Variants in DPF3 observed in about 807,000 individuals in gnomAD.
The protein encoded by DPF3 is double PHD fingers 3.
A neutral mutation model predicts 56.8 loss-of-function variants in DPF3; 18 were observed. The ratio of observed to expected loss-of-function variants is 0.32; its 90% CI spans 0.22 to 0.47. DPF3 has a LOEUF of 0.47. Ranked by LOEUF, DPF3 falls within the 20% of genes least tolerant of loss-of-function variation. The pLI is 1.00. For synonymous variants in DPF3, 188 were observed against 180.2 expected (o/e 1.04, Z -0.35); for missense variants, 403 against 488.8 (o/e 0.82, Z 1.65).
chr14:72,680,045 G>A (rs1290777290), intron 7 of DPF3, among the ~76,000 whole-genome samples: 3 of 152,110 alleles, frequency 2.0e-5, no homozygotes, highest in Admixed American at 6.5e-5. Flanking sequence ...GCGGGCTGGG[G>A]AGACAAGGCG....
chr14:72,821,497 T>A (rs1021430978), intron 1 of DPF3, among the ~76,000 whole-genome samples: 3 of 150,966 alleles, frequency 2.0e-5, no homozygotes, highest in Non-Finnish European at 3.0e-5. Context: ...AGCCACTAGG[T>A]TGAGTAAACG....
chr14:72,850,397 C>T (rs1002920126), intron 1 of DPF3, among the ~76,000 whole-genome samples: 1 of 152,166 alleles, frequency 6.6e-6, no homozygotes, highest in African/African-American at 2.4e-5. Flanking sequence ...GTTTGACACG[C>T]CCACAGCAGT....
At chr14:72,874,036 A>G (rs1886009653) in intron 1 of DPF3, among the ~76,000 whole-genome samples, 1 of 150,564 alleles carries the variant, frequency 6.6e-6, no homozygotes, top group South Asian at 2.1e-4. Flanking sequence ...ACAAACCTGC[A>G]TGTTGTGCAC....
intron 1 of DPF3, chr14:72,853,376 T>C (rs1418913860): frequency 6.6e-6 from 1 of 152,098 alleles, no homozygotes; most frequent in African/African-American, 2.4e-5. Context: ...ATGAAAAAGT[T>C]ACTCTAAGAT....
rs1290297320 is a variant in DPF3 at position 72,611,295 on chromosome 14, T to A, written c.*8002A>T. ...AAAAGGAAAGATGAAACAAACGGTT[T>A]ATTCCTAATGCTGTCAACACAAACA... On this transcript the variant is annotated 3_prime_UTR_variant, in exon 11 of 11. Transcript: ENST00000556509. 6.6e-6 allele frequency among the ~76,000 whole-genome samples: 1 copy of A among 152,242 alleles called. No individual in the cohort carries two copies. Among genetic ancestry groups the A allele is most frequent in the Non-Finnish European group, 1.5e-5 (1 of 68,042 alleles).
chr14:72,612,334 G>A lies in DPF3; in HGVS notation c.*6963C>T, dbSNP rs1321800513. 6.9e-6 allele frequency: 3 copies of A among 435,376 alleles called. No homozygotes were observed. The highest frequency in any genetic ancestry group is 9.1e-6 in the Non-Finnish European group (2 of 219,218). 27.0% of individuals were successfully genotyped at this position (435,376 alleles called of 1,614,324 possible). A position where few individuals can be genotyped will look rare whatever the true frequency, so the allele number is the denominator to read the frequency against. ...CAGGGACGCCCTGCCTACCTACCCCGCCTCTCTCCAGCCACCTGCTCCCCA... is the reference window on the plus strand; with the variant it reads ...CAGGGACGCCCTGCCTACCTACCCCACCTCTCTCCAGCCACCTGCTCCCCA... On this transcript the variant is annotated 3_prime_UTR_variant, in exon 11 of 11. Coordinates refer to ENST00000556509, the MANE Select transcript of DPF3 (RefSeq NM_001280542.3).
chr14:72,725,657 A>G (rs916394893), intron 4 of DPF3, among the ~76,000 whole-genome samples: 3 of 152,100 alleles, frequency 2.0e-5, no homozygotes, highest in African/African-American at 7.2e-5. Context: ...GATCACAAAT[A>G]TGTTGAGAAG....
rs140879484 is a variant in DPF3 at position 72,714,870 on chromosome 14, C to T, written c.526-369G>A. ...TACCAAATTCCCACACACTACCGTG[C>T]CACTGAGGCCGCTTCCTCCTGCTCC... On this transcript the variant is annotated intron_variant, in intron 5 of 10. Transcript: ENST00000556509. Among the ~76,000 whole-genome samples the T allele has an allele frequency of 5.1e-3, 782 of 152,318 alleles. 8 individuals carry two copies. The highest frequency in any genetic ancestry group is 0.01 in the Middle Eastern group (3 of 294).
intron 8 of DPF3, among the ~76,000 whole-genome samples, chr14:72,640,077 A>AAAAAAAAAAAAAAAAAAAAAAAAAAAC: frequency 8.3e-6 from 1 of 120,506 alleles, no homozygotes; most frequent in Non-Finnish European, 1.9e-5. Flanking sequence ...AAAAAAAAAA[A>AAAAAAAAAAAAAAAAAAAAAAAAAAAC]AAATGGAAAC....
At chr14:72,892,998 A>T (rs1886824590) in intron 1 of DPF3, among the ~76,000 whole-genome samples, 5 of 133,530 alleles carry the variant, frequency 3.7e-5, no homozygotes, top group African/African-American at 9.0e-5. Flanking sequence ...GAAGGAAGGA[A>T]GGAAGGAAGG....
chr14:72,645,295 AT>A (rs202051547), intron 8 of DPF3, among the ~76,000 whole-genome samples: 5,291 of 142,204 alleles, frequency 0.037, 110 homozygotes, highest in South Asian at 0.098. Context: ...CTAAGAAGGG[AT>A]TTTTTTTTTT....
Position 72,718,093 on chromosome 14 carries a change from TG to T in DPF3, c.526-3593del, listed in dbSNP as rs1442203298. On this transcript the variant is annotated intron_variant, in intron 5 of 10. Transcript: ENST00000556509. ...AGGGCCCATACATTCAGGAGCCTTA[TG>T]GGGCCATGTACACATGGAAGCAGGA... Among the ~76,000 whole-genome samples the T allele has an allele frequency of 2.0e-5, 3 of 152,172 alleles. No homozygotes were observed. In the East Asian group the frequency reaches 5.8e-4, roughly 29 times the overall value.
intron 1 of DPF3, among the ~76,000 whole-genome samples, chr14:72,871,372 C>T (rs1330096575): frequency 2.6e-5 from 4 of 152,308 alleles, no homozygotes; most frequent in Non-Finnish European, 2.9e-5. Flanking sequence ...TCCAAAGTCT[C>T]ATCTGAGACA....
chr14:72,646,071 C>T (rs541906904), intron 8 of DPF3, among the ~76,000 whole-genome samples: 8 of 152,318 alleles, frequency 5.3e-5, no homozygotes, highest in African/African-American at 1.9e-4. Context: ...TCTAAACTCA[C>T]TCCCTTTCTG....
intron 1 of DPF3, among the ~76,000 whole-genome samples, chr14:72,794,763 G>T (rs189899478): frequency 6.6e-6 from 1 of 152,132 alleles, no homozygotes; most frequent in Non-Finnish European, 1.5e-5. Context: ...ACGATTTTAC[G>T]GTTCTAGAGG....
intron 1 of DPF3, among the ~76,000 whole-genome samples, chr14:72,801,823 G>A (rs1231969390): frequency 6.6e-6 from 1 of 152,178 alleles, no homozygotes; most frequent in Non-Finnish European, 1.5e-5. Flanking sequence ...TTCATCTCAT[G>A]TCTCTTACAG....
intron 1 of DPF3, among the ~76,000 whole-genome samples, chr14:72,846,847 A>G (rs975274466): frequency 2.0e-5 from 3 of 152,168 alleles, no homozygotes; most frequent in African/African-American, 7.2e-5. Flanking sequence ...TACTCAAGCT[A>G]TAGAAAGCTG....
At chr14:72,782,543 C>T (rs1348293215) in intron 1 of DPF3, among the ~76,000 whole-genome samples, 1 of 152,166 alleles carries the variant, frequency 6.6e-6, no homozygotes, top group African/African-American at 2.4e-5. Context: ...CTTTTAAAAA[C>T]AGAAATCAGG....
chr14:72,773,375 C>A (rs1221001545), intron 1 of DPF3, among the ~76,000 whole-genome samples: 2 of 152,050 alleles, frequency 1.3e-5, no homozygotes, highest in African/African-American at 4.8e-5. Flanking sequence ...CTCAGGCGAT[C>A]CACCCGCCTC....
Sources: gnomAD v4.1 joint callset for allele counts (sites outside exome capture counted in the v4.1 genomes callset) on GRCh38, gnomAD v4.1.1 for gene constraint, MANE v1.5 for transcripts, NCBI Gene and HGNC (gene_info 2026-07-23, HGNC 2026-07-21) for gene names.